The following PTGFR variants were observed in gnomAD, a reference collection of about 807,000 sequenced individuals.
The protein encoded by PTGFR is prostaglandin F2-alpha receptor.
PTGFR carries 15 observed loss-of-function variants against 26.2 expected under a neutral mutation model. That is an observed-to-expected ratio of 0.57 (90% confidence interval 0.38 to 0.88). The LOEUF is 0.88. Ranked by LOEUF, PTGFR falls within the 40% of genes least tolerant of loss-of-function variation. PTGFR has a pLI of 0.00. For missense variants in PTGFR, 369 were observed against 427.2 expected (o/e 0.86, Z 1.20); for synonymous variants, 165 against 151.1 (o/e 1.09, Z -0.68).
chr1:78,521,858 A>G (rs1346021174), intron 2 of PTGFR, among the ~76,000 whole-genome samples: 1 of 152,048 alleles, frequency 6.6e-6, no homozygotes, highest in African/African-American at 2.4e-5. Flanking sequence ...CTAAATTTAA[A>G]TCACTCATAA....
chr1:78,515,597 G>T (rs945816665), intron 2 of PTGFR, among the ~76,000 whole-genome samples: 3 of 152,108 alleles, frequency 2.0e-5, no homozygotes, highest in African/African-American at 7.2e-5. Context: ...TTTTATTGGA[G>T]AAATTACAAT....
chr1:78,515,487 G>C (rs532774490), intron 2 of PTGFR, among the ~76,000 whole-genome samples: 76 of 152,276 alleles, frequency 5.0e-4, no homozygotes, highest in African/African-American at 1.7e-3. Context: ...ATGGCTTCAC[G>C]TGAAGTGTAG....
chr1:78,522,822 A>G (rs1375893483), intron 2 of PTGFR, among the ~76,000 whole-genome samples: 6 of 151,988 alleles, frequency 3.9e-5, no homozygotes, highest in Admixed American at 1.3e-4. Flanking sequence ...TATCTTAACT[A>G]TCTGTTTGGC....
intron 2 of PTGFR, among the ~76,000 whole-genome samples, chr1:78,506,409 T>G (rs970911228): frequency 3.9e-5 from 6 of 152,026 alleles, no homozygotes; most frequent in Non-Finnish European, 7.4e-5. Context: ...CTTTATTTTA[T>G]TCTTTTACTT....
chr1:78,524,906 A>ATT (rs35641651), intron 2 of PTGFR, among the ~76,000 whole-genome samples: 1,142 of 70,342 alleles, frequency 0.016, 44 homozygotes, highest in Non-Finnish European at 0.018. Flanking sequence ...CAAATGCAAG[A>ATT]TTTTTTTTTT....
intron 2 of PTGFR, among the ~76,000 whole-genome samples, chr1:78,513,913 T>A (rs540952623): frequency 6.6e-6 from 1 of 152,356 alleles, no homozygotes; most frequent in Non-Finnish European, 1.5e-5. Context: ...CCTTAGCATC[T>A]TCCGTATGGT....
chr1:78,533,615 C>T (rs1433138304), intron 2 of PTGFR, among the ~76,000 whole-genome samples: 3 of 152,210 alleles, frequency 2.0e-5, no homozygotes, highest in Non-Finnish European at 4.4e-5. Context: ...CTCAAAACTA[C>T]TTGCTGCTGG....
chr1:78,532,364 T>TTATC (rs1553166402), intron 2 of PTGFR: 2 of 85,214 alleles, frequency 2.3e-5, no homozygotes, highest in Non-Finnish European at 4.6e-5. Context: ...GTAAATTCAT[T>TTATC]TATATATATA....
At chr1:78,508,212 GATTT>G (rs1200279904) in intron 2 of PTGFR, among the ~76,000 whole-genome samples, 1 of 151,682 alleles carries the variant, frequency 6.6e-6, no homozygotes, top group Non-Finnish European at 1.5e-5. Flanking sequence ...AGAGCTTCTT[GATTT>G]ATTATTCATA....
intron 2 of PTGFR, among the ~76,000 whole-genome samples, chr1:78,508,276 A>C (rs1035096212): frequency 6.6e-6 from 1 of 152,116 alleles, no homozygotes; most frequent in African/African-American, 2.4e-5. Context: ...TTTTCTACAA[A>C]AATTGCCTAG....
chr1:78,536,045 T>G (rs1279172648), intron 2 of PTGFR, among the ~76,000 whole-genome samples: 1 of 152,192 alleles, frequency 6.6e-6, no homozygotes, highest in Non-Finnish European at 1.5e-5. Context: ...ATTTATTTAT[T>G]TAAAAATACT....
At chr1:78,535,490 C>G (rs957096735) in intron 2 of PTGFR, among the ~76,000 whole-genome samples, 1 of 152,110 alleles carries the variant, frequency 6.6e-6, no homozygotes, top group African/African-American at 2.4e-5. Flanking sequence ...GTGTTTTGGT[C>G]TTTGTTACGT....
intron 2 of PTGFR, among the ~76,000 whole-genome samples, chr1:78,516,903 C>G (rs1450120429): frequency 6.6e-6 from 1 of 152,056 alleles, no homozygotes; most frequent in African/African-American, 2.4e-5. Context: ...GGAGCCAGTT[C>G]CAGAATGTTG....
At position 78,538,391 on chromosome 1, in the gene PTGFR, A is replaced by G. The variant is rs1203073712; in HGVS notation, c.*1704A>G. ...TGTACTGACTTGAGGAGATCTTGCAACATGGCCATGTGCAAGGCTTTAAGG... is the reference window on the plus strand; with the variant it reads ...TGTACTGACTTGAGGAGATCTTGCAGCATGGCCATGTGCAAGGCTTTAAGG... On this transcript the variant is annotated 3_prime_UTR_variant, in exon 3 of 3. Transcript: ENST00000370757. 1 of 152,014 alleles carries G rather than the reference A, an allele frequency of 6.6e-6. No individual in the cohort carries two copies. The highest frequency in any genetic ancestry group is 2.4e-5 in the African/African-American group (1 of 41,414). 9.4% of individuals were successfully genotyped at this position (152,014 alleles called of 1,614,324 possible).
At chr1:78,497,937 T>C (rs1192557950) in intron 2 of PTGFR, 4 of 1,585,908 alleles carry the variant, frequency 2.5e-6, no homozygotes, top group Non-Finnish European at 3.5e-6. Context: ...AAGTGATTTC[T>C]TACATAGGTG....
At chr1:78,529,008 C>A (rs1473253721) in intron 2 of PTGFR, among the ~76,000 whole-genome samples, 1 of 151,306 alleles carries the variant, frequency 6.6e-6, no homozygotes, top group Non-Finnish European at 1.5e-5. Flanking sequence ...GCACAAAAGA[C>A]CTACACACAT....
intron 2 of PTGFR, among the ~76,000 whole-genome samples, chr1:78,498,219 T>G (rs1415824312): frequency 6.6e-6 from 1 of 152,158 alleles, no homozygotes; most frequent in Non-Finnish European, 1.5e-5. Context: ...TTAGTGAAGA[T>G]TATTTTCTTT....
Position 78,499,004 on chromosome 1 carries a change from G to C in PTGFR, c.798+5463G>C, listed in dbSNP as rs76822218. On this transcript the variant is annotated intron_variant, in intron 2 of 2. Coordinates refer to ENST00000370757, the MANE Select transcript of PTGFR (RefSeq NM_000959.4). ...TCCAGCAGAAAAGACATATTTTAGAGATACGTTAATGTAGTGTAATCGTGG... is the reference window on the plus strand; with the variant it reads ...TCCAGCAGAAAAGACATATTTTAGACATACGTTAATGTAGTGTAATCGTGG... Among the ~76,000 whole-genome samples the C allele has an allele frequency of 4.5e-4, 69 of 152,266 alleles. 1 individual carries two copies. The highest frequency in any genetic ancestry group is 7.6e-4 in the Non-Finnish European group (52 of 68,032).
chr1:78,534,663 C>T (rs1183144833), intron 2 of PTGFR, among the ~76,000 whole-genome samples: 5 of 151,976 alleles, frequency 3.3e-5, no homozygotes, highest in Admixed American at 2.0e-4. Context: ...ACATACACTC[C>T]AGGCTTTTTT....
Sources: allele counts gnomAD v4.1 joint callset (sites outside exome capture counted in the v4.1 genomes callset), GRCh38; gene constraint gnomAD v4.1.1; transcripts MANE v1.5; gene names NCBI Gene and HGNC (gene_info 2026-07-23, HGNC 2026-07-21).